The following HIVEP3 variants were observed in gnomAD, a reference collection of about 807,000 sequenced individuals.
HIVEP3 encodes the protein transcription factor HIVEP3.
Under a neutral mutation model 152.8 loss-of-function variants are expected in HIVEP3, and 49 were observed. That is an observed-to-expected ratio of 0.32 (90% CI 0.26 to 0.41). The LOEUF is 0.41. Ranked by LOEUF, HIVEP3 falls within the 10% of genes least tolerant of loss-of-function variation. The pLI, the probability that HIVEP3 is intolerant of heterozygous loss-of-function variation, is 1.00. For synonymous variants in HIVEP3, 1,269 were observed against 1,289.0 expected (o/e 0.98, Z 0.33); for missense variants, 2,790 against 3,103.3 (o/e 0.90, Z 2.40).
intron 2 of HIVEP3, among the ~76,000 whole-genome samples, chr1:41,635,548 A>C (rs1645257297): frequency 6.9e-6 from 1 of 144,138 alleles, no homozygotes; most frequent in Non-Finnish European, 1.5e-5. Flanking sequence ...ATATGTATGT[A>C]TATATACATA....
intron 1 of HIVEP3, among the ~76,000 whole-genome samples, chr1:41,891,305 T>G (rs1644442011): frequency 6.6e-6 from 1 of 152,216 alleles, no homozygotes; most frequent in African/African-American, 2.4e-5. Context: ...TTCCCAATTT[T>G]GGGTTGCACA....
chr1:41,717,241 G>A (rs577082127), intron 1 of HIVEP3, among the ~76,000 whole-genome samples: 8 of 152,154 alleles, frequency 5.3e-5, no homozygotes, highest in East Asian at 1.9e-4. Flanking sequence ...TGCATTTTCC[G>A]ACGCTCTTTC....
chr1:41,752,404 C>A (rs972608931), intron 1 of HIVEP3, among the ~76,000 whole-genome samples: 22 of 152,178 alleles, frequency 1.4e-4, no homozygotes, highest in African/African-American at 5.1e-4. Context: ...CAGGGTCCAC[C>A]TCCAAAGAGG....
At chr1:41,786,569 A>G (rs1010207715) in intron 1 of HIVEP3, among the ~76,000 whole-genome samples, 1 of 152,138 alleles carries the variant, frequency 6.6e-6, no homozygotes, top group Non-Finnish European at 1.5e-5. Flanking sequence ...CCATTCATTT[A>G]TGTACTGTCC....
chr1:42,018,936 A>C lies in HIVEP3; in HGVS notation n.119+16871T>G, dbSNP rs568263099. Among the ~76,000 whole-genome samples, 3 of 152,174 alleles carry C rather than the reference A, an allele frequency of 2.0e-5. No homozygotes were observed. In the South Asian group the frequency reaches 6.2e-4, roughly 32 times the overall value. ...GCCTGAGTTCTAAGCCATTGCTTTG[A>C]GATACTTTTCATTAAAGTTTGTCCC... On this transcript the variant is annotated intron_variant and non_coding_transcript_variant, in intron 1 of 3. Coordinates refer to the HIVEP3 transcript ENST00000489103.
At chr1:41,996,715 A>G (rs1037631743) in intron 1 of HIVEP3, among the ~76,000 whole-genome samples, 1 of 152,234 alleles carries the variant, frequency 6.6e-6, no homozygotes, top group Admixed American at 6.5e-5. Flanking sequence ...TCACAAACTT[A>G]GTGCCTTAAA....
At chr1:42,007,377 G>C (rs1490386586) in intron 1 of HIVEP3, among the ~76,000 whole-genome samples, 1 of 152,188 alleles carries the variant, frequency 6.6e-6, no homozygotes, top group Non-Finnish European at 1.5e-5. Context: ...AGTTTGGTTT[G>C]GTAGCATGTG....
Position 42,021,334 on chromosome 1 carries a change from T to G in HIVEP3, n.119+14473A>C, listed in dbSNP as rs116765805. Among the ~76,000 whole-genome samples the G allele has an allele frequency of 8.4e-3, 1,282 of 152,260 alleles. 14 individuals are homozygous for G. The highest frequency in any genetic ancestry group is 0.028 in the African/African-American group (1,150 of 41,554). On this transcript the variant is annotated intron_variant and non_coding_transcript_variant, in intron 1 of 3. Transcript: ENST00000489103. The stretch of plus-strand genomic sequence containing the variant: ...GTTTTGAAGGTAGAATCAACAAGAC[T>G]TGCTGATGGCCTAAATGTGAGAGTT...
chr1:41,665,253 C>T (rs1434744006), intron 2 of HIVEP3, among the ~76,000 whole-genome samples: 1 of 152,250 alleles, frequency 6.6e-6, no homozygotes, highest in Non-Finnish European at 1.5e-5. Flanking sequence ...CCCCCACCTG[C>T]AGACCAGGCC....
chr1:41,603,214 G>A (rs917378597), intron 3 of HIVEP3, among the ~76,000 whole-genome samples: 6 of 149,114 alleles, frequency 4.0e-5, no homozygotes, highest in African/African-American at 1.5e-4. Context: ...TTACAGGCAC[G>A]CACTGTCATG....
At chr1:41,600,279 C>T (rs550838169) in intron 3 of HIVEP3, among the ~76,000 whole-genome samples, 7 of 152,278 alleles carry the variant, frequency 4.6e-5, no homozygotes, top group South Asian at 2.1e-4. Context: ...ATGTTCATAG[C>T]GGCATGATTT....
chr1:41,591,659 C>G (rs1198173250), intron 3 of HIVEP3, among the ~76,000 whole-genome samples: 1 of 151,962 alleles, frequency 6.6e-6, no homozygotes, highest in Non-Finnish European at 1.5e-5. Context: ...GACTTTGCAG[C>G]CTCCAATGTA....
intron 1 of HIVEP3, among the ~76,000 whole-genome samples, chr1:41,828,751 G>A (rs1428202215): frequency 1.3e-5 from 2 of 152,132 alleles, no homozygotes; most frequent in Non-Finnish European, 2.9e-5. Flanking sequence ...GCCAACTCAG[G>A]CTCCTCAAAT....
At chr1:41,836,845 C>T (rs1643137890) in intron 1 of HIVEP3, among the ~76,000 whole-genome samples, 1 of 152,222 alleles carries the variant, frequency 6.6e-6, no homozygotes, top group African/African-American at 2.4e-5. Flanking sequence ...CAACTCTCTC[C>T]ATCCCATTGC....
chr1:41,845,759 T>C (rs982338284), intron 1 of HIVEP3, among the ~76,000 whole-genome samples: 3 of 152,204 alleles, frequency 2.0e-5, no homozygotes, highest in Non-Finnish European at 4.4e-5. Flanking sequence ...ACCTGTCAAG[T>C]ATGTTTAATT....
chr1:41,573,484 C>T (rs569385329), intron 5 of HIVEP3, among the ~76,000 whole-genome samples: 1 of 152,296 alleles, frequency 6.6e-6, no homozygotes, highest in African/African-American at 2.4e-5. Context: ...AAGGATCTGA[C>T]ACTATAATCA....
intron 1 of HIVEP3, among the ~76,000 whole-genome samples, chr1:41,853,408 C>T (rs191601130): frequency 1.8e-4 from 27 of 152,302 alleles, no homozygotes; most frequent in Middle Eastern, 3.4e-3. Context: ...GCAAGGCACC[C>T]TCTTCACAAG....
chr1:41,759,037 C>A (rs1232356804), intron 1 of HIVEP3, among the ~76,000 whole-genome samples: 1 of 152,096 alleles, frequency 6.6e-6, no homozygotes, highest in African/African-American at 2.4e-5. Context: ...TCACCACTAT[C>A]AAGGTCCAGA....
intron 1 of HIVEP3, among the ~76,000 whole-genome samples, chr1:41,768,596 T>A (rs962531991): frequency 2.0e-5 from 3 of 152,226 alleles, no homozygotes; most frequent in Non-Finnish European, 2.9e-5. Flanking sequence ...TTGACGTATA[T>A]AGACCCTTGT....
Sources: allele counts gnomAD v4.1 joint callset (sites outside exome capture counted in the v4.1 genomes callset), GRCh38; gene constraint gnomAD v4.1.1; transcripts MANE v1.5; gene names NCBI Gene and HGNC (gene_info 2026-07-23, HGNC 2026-07-21).